PIGL: variants seen among roughly 807,000 people sequenced by gnomAD.
PIGL encodes phosphatidylinositol glycan anchor biosynthesis class L, also known as N-acetylglucosaminyl-phosphatidylinositol de-N-acetylase.
PIGL carries 22 observed loss-of-function variants against 31.1 expected under a neutral mutation model. The ratio of observed to expected loss-of-function variants is 0.71; its 90% CI spans 0.51 to 1.01. PIGL has a LOEUF of 1.01. PIGL is among the 50% of genes least tolerant of loss of function. The pLI is 0.00. For synonymous variants in PIGL, 131 were observed against 117.4 expected (o/e 1.12, Z -0.75); for missense variants, 302 against 315.9 (o/e 0.96, Z 0.33).
intron 1 of PIGL, 84 bp from the exon 2 acceptor site, chr17:16,233,887 C>G (rs1467915887): frequency 1.4e-6 from 1 of 699,696 alleles, no homozygotes; most frequent in East Asian, 2.6e-5. Flanking sequence ...CTTTAAGGAA[C>G]AAAAACAGGA....
At chr17:16,261,118 C>CAA (rs34019457) in intron 2 of PIGL, among the ~76,000 whole-genome samples, 5 of 118,926 alleles carry the variant, frequency 4.2e-5, no homozygotes, top group East Asian at 3.0e-4. Context: ...GACTCTATCT[C>CAA]AAAAAAAAAA....
chr17:16,289,391 A>G (rs1207128557), intron 2 of PIGL, among the ~76,000 whole-genome samples: 1 of 152,212 alleles, frequency 6.6e-6, no homozygotes, highest in African/African-American at 2.4e-5. Context: ...ATCCAACTCC[A>G]TTCTTCAGAT....
chr17:16,238,868 C>T (rs1417377008), intron 2 of PIGL, among the ~76,000 whole-genome samples: 3 of 145,134 alleles, frequency 2.1e-5, no homozygotes, highest in African/African-American at 5.1e-5. Flanking sequence ...GAGATCACGC[C>T]GCTGCACTCC....
At chr17:16,320,241 GGAAGGAAGGA>G (rs2093098159) in intron 6 of PIGL, among the ~76,000 whole-genome samples, 1 of 96,286 alleles carries the variant, frequency 1.0e-5, no homozygotes, top group Non-Finnish European at 2.1e-5. Flanking sequence ...AAGGAAGGAA[GGAAGGAAGGA>G]AAGGAGGGAG....
At chr17:16,288,440 C>T (rs1259870312) in intron 2 of PIGL, among the ~76,000 whole-genome samples, 2 of 152,154 alleles carry the variant, frequency 1.3e-5, no homozygotes, top group Non-Finnish European at 2.9e-5. Context: ...CTCCTGACCT[C>T]GTGATCCACC....
At chr17:16,323,591 G>C (rs540294491) in intron 6 of PIGL, among the ~76,000 whole-genome samples, 2 of 148,334 alleles carry the variant, frequency 1.3e-5, no homozygotes, top group Non-Finnish European at 3.0e-5. Flanking sequence ...GTCAGTGAAT[G>C]GTTTTCGTAA....
chr17:16,257,231 A>C, intron 2 of PIGL, among the ~76,000 whole-genome samples: 1 of 152,170 alleles, frequency 6.6e-6, no homozygotes, highest in East Asian at 1.9e-4. Context: ...AGCCTGGCCA[A>C]CATGGTGAAA....
rs138410893 is a variant in PIGL at position 16,316,722 on chromosome 17, G to C, written c.526+10G>C. 6.2e-7 allele frequency: 1 copy of C among 1,610,052 alleles called. No homozygotes were observed. The highest frequency in any genetic ancestry group is 8.5e-7 in the Non-Finnish European group (1 of 1,176,706). The stretch of plus-strand genomic sequence containing the variant: ...GGGAAGTTACCTAAAGGTAAGGCTT[G>C]TTCCTTTTGCAAAGGGCCACAAGAT... On this transcript the variant is annotated intron_variant, in intron 5 of 6. Coordinates refer to ENST00000225609, the MANE Select transcript of PIGL (RefSeq NM_004278.4).
intron 6 of PIGL, among the ~76,000 whole-genome samples, chr17:16,324,819 T>G (rs1568851216): frequency 6.6e-6 from 1 of 152,302 alleles, no homozygotes; most frequent in East Asian, 1.9e-4. Context: ...CTATTCTGTT[T>G]AAAAACTGAA....
chr17:16,272,519 C>G (rs147154186), intron 2 of PIGL, among the ~76,000 whole-genome samples: 2 of 152,344 alleles, frequency 1.3e-5, no homozygotes, highest in East Asian at 1.9e-4. Context: ...TGCTCTACTT[C>G]TCTTCCTTCA....
intron 6 of PIGL, among the ~76,000 whole-genome samples, chr17:16,320,470 GAAGGGAGGAAAC>G (rs2093100304): frequency 2.5e-5 from 1 of 40,720 alleles, no homozygotes; most frequent in African/African-American, 1.0e-4. Context: ...AGGAGGGAAG[GAAGGGAGGAAAC>G]GAGGGAGGGA....
At chr17:16,302,079 C>T (rs1476268780) in intron 3 of PIGL, among the ~76,000 whole-genome samples, 1 of 152,134 alleles carries the variant, frequency 6.6e-6, no homozygotes, top group African/African-American at 2.4e-5. Flanking sequence ...AAATTTAGTA[C>T]ACACAGGCCA....
intron 2 of PIGL, among the ~76,000 whole-genome samples, chr17:16,270,938 G>T (rs2092869347): frequency 6.6e-6 from 1 of 151,674 alleles, no homozygotes; most frequent in Non-Finnish European, 1.5e-5. Context: ...CCCTCCCTTG[G>T]ACTCATTTCC....
At chr17:16,270,421 C>T (rs1053173067) in intron 2 of PIGL, among the ~76,000 whole-genome samples, 3 of 151,498 alleles carry the variant, frequency 2.0e-5, no homozygotes, top group Non-Finnish European at 4.4e-5. Flanking sequence ...CTCTGTGATC[C>T]AACAATTAAT....
At chr17:16,324,408 A>G (rs1284391439) in intron 6 of PIGL, 1 of 151,314 alleles carries the variant, frequency 6.6e-6, no homozygotes, top group Non-Finnish European at 1.5e-5. Context: ...GGTTCACTGC[A>G]ATCTCCGCTA....
chr17:16,245,126 A>C lies in PIGL; in HGVS notation c.335+11056A>C, dbSNP rs1174713910. ...TCCTGCCTCAGCCTCCCAGGAAGCT[A>C]GGATTACAGGTGCCCACCACCACGC... On this transcript the variant is annotated intron_variant, in intron 2 of 6. Transcript: ENST00000225609. Among the ~76,000 whole-genome samples, 4 of 151,948 alleles carry C rather than the reference A, an allele frequency of 2.6e-5. 1 individual carries two copies. Among genetic ancestry groups the C allele is most frequent in the Admixed American group, 2.0e-4 (3 of 15,252 alleles).
At chr17:16,313,399 A>G (rs1388820172) in intron 3 of PIGL, 148 bp from the exon 4 acceptor site, 4 of 675,520 alleles carry the variant, frequency 5.9e-6, no homozygotes, top group Non-Finnish European at 8.2e-6. Flanking sequence ...GCTACACACC[A>G]CTGATCTGCT....
chr17:16,281,274 T>C (rs547650672), intron 2 of PIGL, among the ~76,000 whole-genome samples: 1 of 152,350 alleles, frequency 6.6e-6, no homozygotes, highest in East Asian at 1.9e-4. Flanking sequence ...TTTGAACTCA[T>C]TTTTGCAAGC....
At chr17:16,283,494 C>T (rs983389756) in intron 2 of PIGL, among the ~76,000 whole-genome samples, 1 of 151,948 alleles carries the variant, frequency 6.6e-6, no homozygotes, top group African/African-American at 2.4e-5. Context: ...TTCTGAGGAG[C>T]CATGCTCATT....
Sources: allele counts gnomAD v4.1 joint callset (sites outside exome capture counted in the v4.1 genomes callset), GRCh38; gene constraint gnomAD v4.1.1; transcripts MANE v1.5; gene names NCBI Gene and HGNC (gene_info 2026-07-23, HGNC 2026-07-21).